The following GALNT18 variants were observed in gnomAD, a reference collection of about 807,000 sequenced individuals.
The protein encoded by GALNT18 is GalNAc-transferase 18.
GALNT18 carries 44 observed loss-of-function variants against 69.5 expected under a neutral mutation model. The ratio of observed to expected loss-of-function variants is 0.63; its 90% CI spans 0.50 to 0.81. The LOEUF (loss-of-function observed/expected upper bound fraction) is 0.81, where lower values mean the gene tolerates loss of function less well. GALNT18 is among the 40% of genes least tolerant of loss of function. The pLI is 0.00. For missense variants in GALNT18, 715 were observed against 810.0 expected, an observed-to-expected ratio of 0.88 and a Z score of 1.42; for synonymous variants, 364 against 318.2, an observed-to-expected ratio of 1.14 and a Z score of -1.53.
At chr11:11,537,398 G>A (rs1051777556) in intron 1 of GALNT18, among the ~76,000 whole-genome samples, 2 of 152,114 alleles carry the variant, frequency 1.3e-5, no homozygotes, top group Non-Finnish European at 2.9e-5. Flanking sequence ...ATTCTTTGGA[G>A]AATTTAGAAA....
chr11:11,455,324 C>G (rs925910134), intron 1 of GALNT18, among the ~76,000 whole-genome samples: 2 of 152,024 alleles, frequency 1.3e-5, no homozygotes, highest in Non-Finnish European at 2.9e-5. Flanking sequence ...ATGCTCTGAT[C>G]AAGGGTATAT....
chr11:11,375,796 G>A (rs1217665111), intron 5 of GALNT18, among the ~76,000 whole-genome samples: 1 of 152,214 alleles, frequency 6.6e-6, no homozygotes, highest in East Asian at 1.9e-4. Flanking sequence ...ATTGTGGCAG[G>A]GGCCGAGCAG....
intron 1 of GALNT18, among the ~76,000 whole-genome samples, chr11:11,585,370 T>C (rs971611067): frequency 9.9e-5 from 15 of 151,878 alleles, no homozygotes; most frequent in African/African-American, 3.4e-4. Context: ...TTTTTTTTTT[T>C]CCGAGATGGA....
In GALNT18 at chr11:11,454,524, CTT is replaced by C. The variant is rs141712488; in HGVS notation, c.236-5590_236-5589del. On this transcript the variant is annotated intron_variant, in intron 1 of 10. Transcript: ENST00000227756. This position sits in a 1 kb window ranked among gnomAD's most constrained non-coding sequence, Gnocchi z 4.2. The stretch of plus-strand genomic sequence containing the variant: ...TCTTCTTGCCTCTCTCTCTCTCTCT[CTT>C]TCAAATCTCACCAAGTAAGGCTCAG... Among the ~76,000 whole-genome samples, 1 of 152,044 alleles carries C rather than the reference CTT, an allele frequency of 6.6e-6. No individual in the cohort carries two copies. Among genetic ancestry groups the C allele is most frequent in the African/African-American group, 2.4e-5 (1 of 41,404 alleles).
intron 9 of GALNT18, among the ~76,000 whole-genome samples, chr11:11,310,777 A>G (rs756133215): frequency 3.2e-4 from 48 of 152,200 alleles, no homozygotes; most frequent in Non-Finnish European, 5.7e-4. Context: ...CCGATTTCAG[A>G]AAAAGCATCT....
At chr11:11,385,485 T>TG (rs1278241966) in intron 3 of GALNT18, among the ~76,000 whole-genome samples, 1 of 152,006 alleles carries the variant, frequency 6.6e-6, no homozygotes. Context: ...TTAGTAGAGA[T>TG]GGGGTTTCAC....
intron 6 of GALNT18, among the ~76,000 whole-genome samples, chr11:11,357,434 C>G (rs967082938): frequency 6.6e-6 from 1 of 152,166 alleles, no homozygotes; most frequent in Non-Finnish European, 1.5e-5. Context: ...TGGTCAAATA[C>G]AATCTCTAAA....
In GALNT18 at chr11:11,470,804, A is replaced by G. The variant is rs976932427; in HGVS notation, c.236-21868T>C. Reference sequence around the variant, plus strand: ...AAGGACTGCCAGGAAGTCAGGTACCATGGTGTCTCCATGCTGCATTCTTAG... The same window carrying G: ...AAGGACTGCCAGGAAGTCAGGTACCGTGGTGTCTCCATGCTGCATTCTTAG... On this transcript the variant is annotated intron_variant, in intron 1 of 10. Coordinates refer to ENST00000227756, the MANE Select transcript of GALNT18 (RefSeq NM_198516.3). This position sits in a 1 kb window ranked among gnomAD's most constrained non-coding sequence, Gnocchi z 4.8. Among the ~76,000 whole-genome samples the G allele has an allele frequency of 9.9e-5, 15 of 152,230 alleles. No individual in the cohort carries two copies. The highest frequency in any genetic ancestry group is 3.6e-4 in the African/African-American group (15 of 41,546).
At chr11:11,539,484 G>T (rs762165808) in intron 1 of GALNT18, among the ~76,000 whole-genome samples, 3 of 152,136 alleles carry the variant, frequency 2.0e-5, no homozygotes, top group Admixed American at 1.3e-4. Context: ...ACAACCTCCT[G>T]CAGGAAAACC....
chr11:11,530,731 T>C (rs1857626782), intron 1 of GALNT18, among the ~76,000 whole-genome samples: 1 of 152,154 alleles, frequency 6.6e-6, no homozygotes, highest in African/African-American at 2.4e-5. Flanking sequence ...CCAAAGCCAT[T>C]CTGGTCAGCT....
At chr11:11,354,443 T>A (rs1850485102) in intron 6 of GALNT18, among the ~76,000 whole-genome samples, 2 of 152,178 alleles carry the variant, frequency 1.3e-5, no homozygotes, top group Admixed American at 1.3e-4. Context: ...AAGTCCTACA[T>A]TTCCCATTTG....
intron 10 of GALNT18, among the ~76,000 whole-genome samples, chr11:11,279,728 G>C (rs1045429033): frequency 6.6e-6 from 1 of 152,220 alleles, no homozygotes; most frequent in African/African-American, 2.4e-5. Context: ...ATGGTGGTCA[G>C]CTCTGGGAAG....
At chr11:11,502,662 G>A (rs1856997871) in intron 1 of GALNT18, among the ~76,000 whole-genome samples, 1 of 152,128 alleles carries the variant, frequency 6.6e-6, no homozygotes, top group East Asian at 1.9e-4. Context: ...TCCTCTGATC[G>A]CTTCTGTTAG....
At position 11,584,534 on chromosome 11, in the gene GALNT18, C is replaced by A. The variant is rs191120230; in HGVS notation, c.235+36825G>T. Among the ~76,000 whole-genome samples the A allele has an allele frequency of 2.0e-5, 3 of 152,094 alleles. No homozygotes were observed. Among genetic ancestry groups the A allele is most frequent in the African/African-American group, 7.2e-5 (3 of 41,412 alleles). On this transcript the variant is annotated intron_variant, in intron 1 of 10. Transcript: ENST00000227756. The surrounding 1 kb of genome is among the most constrained non-coding windows in gnomAD (Gnocchi z 4.1). ...AGAAGCACGTCTGAACACGTAAGGA[C>A]CGAGAGGCGAGTCTTCAGTGAAACA...
intron 1 of GALNT18, among the ~76,000 whole-genome samples, chr11:11,509,792 C>T (rs777051803): frequency 1.3e-5 from 2 of 152,262 alleles, no homozygotes; most frequent in African/African-American, 2.4e-5. Context: ...AAGACCTTCA[C>T]TGCCCTGTGA....
At chr11:11,293,588 T>A (rs1197331044) in intron 9 of GALNT18, among the ~76,000 whole-genome samples, 1 of 129,852 alleles carries the variant, frequency 7.7e-6, no homozygotes, top group Non-Finnish European at 1.6e-5. Flanking sequence ...TTGCCCAGCC[T>A]GGAGTGCAGT....
At chr11:11,380,580 T>A (rs1321174405) in intron 3 of GALNT18, among the ~76,000 whole-genome samples, 1 of 152,226 alleles carries the variant, frequency 6.6e-6, no homozygotes, top group Non-Finnish European at 1.5e-5. Context: ...ATTGCTTTTG[T>A]CTCAAATTAA....
intron 1 of GALNT18, among the ~76,000 whole-genome samples, chr11:11,578,330 CAAA>C (rs57579910): frequency 5.0e-5 from 6 of 120,606 alleles, no homozygotes; most frequent in Admixed American, 2.6e-4. Context: ...TAAAAAGAAC[CAAA>C]AAAAAAAAAA....
intron 10 of GALNT18, among the ~76,000 whole-genome samples, chr11:11,287,592 C>CA (rs2132996039): frequency 6.6e-6 from 1 of 152,266 alleles, no homozygotes; most frequent in African/African-American, 2.4e-5. Context: ...CCCCAAATCT[C>CA]AGTACGAAGG....
Sources: allele counts gnomAD v4.1 joint callset (sites outside exome capture counted in the v4.1 genomes callset), GRCh38; gene constraint gnomAD v4.1.1; non-coding constraint Gnocchi (gnomAD v3.1); transcripts MANE v1.5; gene names NCBI Gene and HGNC (gene_info 2026-07-23, HGNC 2026-07-21).